The following PCDHA6 variants were observed in gnomAD, a reference collection of about 807,000 sequenced individuals.
PCDHA6 encodes protocadherin alpha 6.
In PCDHA6, 55 loss-of-function variants were observed where a neutral mutation model predicts 60.3. The ratio of observed to expected loss-of-function variants is 0.91; its 90% CI spans 0.73 to 1.14. The LOEUF is 1.14. PCDHA6 is among the 50% of genes most tolerant of loss of function. The probability of loss-of-function intolerance (pLI) is 0.00; values close to 1 mark genes in which losing one functional copy is unlikely to be tolerated. For synonymous variants in PCDHA6, 652 were observed against 557.9 expected, an observed-to-expected ratio of 1.17 and a Z score of -2.38; for missense variants, 1,327 against 1,256.5, an observed-to-expected ratio of 1.06 and a Z score of -0.85.
intron 1 of PCDHA6, chr5:140,857,754 C>T: frequency 6.3e-7 from 1 of 1,597,392 alleles, no homozygotes; most frequent in Non-Finnish European, 8.6e-7. Flanking sequence ...GCGTCTCCCG[C>T]TGGCAGCGCG....
At chr5:140,877,270 G>C in intron 1 of PCDHA6, 2 of 1,613,864 alleles carry the variant, frequency 1.2e-6, no homozygotes, top group Non-Finnish European at 1.7e-6. Context: ...GGTGGACGCT[G>C]ACTCCGGCTA....
intron 1 of PCDHA6, among the ~76,000 whole-genome samples, chr5:140,963,606 G>A (rs79307503): frequency 0.011 from 1,749 of 152,250 alleles, 32 homozygotes; most frequent in African/African-American, 0.039. Context: ...AGACGTAATT[G>A]GGAAAGCTTA....
intron 1 of PCDHA6, among the ~76,000 whole-genome samples, chr5:140,963,002 A>G (rs921334790): frequency 7.2e-5 from 11 of 152,242 alleles, no homozygotes; most frequent in African/African-American, 2.2e-4. Flanking sequence ...TACTAAAAAT[A>G]AGATCTGAAG....
chr5:140,968,095 TGGG>T (rs1554230332), intron 1 of PCDHA6: 1 of 1,613,884 alleles, frequency 6.2e-7, no homozygotes, highest in African/African-American at 1.3e-5. Flanking sequence ...CAGCCACAGA[TGGG>T]GGAATACCGC....
intron 1 of PCDHA6, chr5:140,859,072 G>T (rs1168323371): frequency 6.6e-6 from 1 of 150,540 alleles, no homozygotes; most frequent in African/African-American, 2.4e-5. Flanking sequence ...AGTTGTAGTG[G>T]TACCTGTGTC....
chr5:140,885,465 C>T (rs1363216895), intron 1 of PCDHA6, among the ~76,000 whole-genome samples: 1 of 152,144 alleles, frequency 6.6e-6, no homozygotes, highest in Non-Finnish European at 1.5e-5. Context: ...TAATGATGGG[C>T]AATCACTTTG....
chr5:140,870,132 C>G (rs371110623), intron 1 of PCDHA6: 2 of 1,613,970 alleles, frequency 1.2e-6, no homozygotes, highest in East Asian at 2.2e-5. Flanking sequence ...TGGACACCAA[C>G]GATAACTCTC....
chr5:140,882,555 G>A (rs1554174539), intron 1 of PCDHA6: 1 of 1,614,272 alleles, frequency 6.2e-7, no homozygotes, highest in Admixed American at 1.7e-5. Flanking sequence ...GAGGAGCTGT[G>A]TGGGCGGAGC....
intron 3 of PCDHA6, among the ~76,000 whole-genome samples, chr5:140,996,269 T>C (rs1183604392): frequency 6.6e-6 from 1 of 152,194 alleles, no homozygotes; most frequent in East Asian, 1.9e-4. Context: ...GAGCCTGGGA[T>C]TGCTGCCAAA....
intron 1 of PCDHA6, among the ~76,000 whole-genome samples, chr5:140,893,588 A>G (rs2064072698): frequency 6.6e-6 from 1 of 152,212 alleles, no homozygotes; most frequent in South Asian, 2.1e-4. Flanking sequence ...TTGTTTGGGA[A>G]ATACTTTATT....
chr5:140,936,834 T>TA (rs1554211213), intron 1 of PCDHA6, among the ~76,000 whole-genome samples: 1 of 152,210 alleles, frequency 6.6e-6, no homozygotes, highest in African/African-American at 2.4e-5. Context: ...CATTTCTATA[T>TA]AAATTGTAGA....
rs2150186408 is a variant in PCDHA6, at chr5:140,830,436, T to A, written c.2345T>A (p.Met782Lys). Residue 782 changes from methionine to lysine, a missense_variant, in exon 1 of 4, where the codon ATG becomes AAG. Physicochemically the swap from Met to Lys is moderately conservative, Grantham distance 95 (BLOSUM62 -1). Transcript: ENST00000529310. ...FSPSLSPCPI[M>K]MGKAENQDLN... is the part of the protein sequence containing the mutation. ...CCCAGCCTTTCACCTTGTCCTATTA[T>A]GATGGGTAAGGCGGAGAATCAGGAT... is the stretch of plus-strand genomic sequence containing the variant. The A allele has an allele frequency of 1.5e-5, 24 of 1,612,796 alleles. No homozygotes were observed. The South Asian group carries it at 2.0e-4, about 13-fold the overall frequency.
At chr5:140,971,207 A>C (rs2096463327) in intron 1 of PCDHA6, among the ~76,000 whole-genome samples, 1 of 152,050 alleles carries the variant, frequency 6.6e-6, no homozygotes, top group South Asian at 2.1e-4. Flanking sequence ...AGACACTGTT[A>C]CCCTCCCTCT....
chr5:140,928,452 G>A (rs1284379241), intron 1 of PCDHA6: 1 of 1,614,008 alleles, frequency 6.2e-7, no homozygotes, highest in Non-Finnish European at 8.5e-7. Flanking sequence ...AGCTCAGGGG[G>A]TTTCATTTCC....
intron 1 of PCDHA6, chr5:140,927,135 G>T: frequency 6.2e-7 from 1 of 1,614,062 alleles, no homozygotes; most frequent in Non-Finnish European, 8.5e-7. Flanking sequence ...GAGAGCCGGC[G>T]GACCGCGAAC....
chr5:140,875,982 T>C (rs782696437), intron 1 of PCDHA6: 8 of 1,613,890 alleles, frequency 5.0e-6, no homozygotes, highest in Middle Eastern at 1.6e-4. Context: ...TTTTGACCTA[T>C]GCGTTAAGTC....
At chr5:140,928,932 G>T in intron 1 of PCDHA6, 5 of 1,614,108 alleles carry the variant, frequency 3.1e-6, no homozygotes, top group Non-Finnish European at 2.5e-6. Flanking sequence ...TTTCTGCCCA[G>T]AACTTGTATT....
intron 1 of PCDHA6, among the ~76,000 whole-genome samples, chr5:140,923,894 G>A (rs2081566819): frequency 6.6e-6 from 1 of 152,186 alleles, no homozygotes; most frequent in African/African-American, 2.4e-5. Flanking sequence ...AAGAGGAGGA[G>A]TTTCTGTGAA....
chr5:140,923,665 C>T (rs369836298), intron 1 of PCDHA6, among the ~76,000 whole-genome samples: 77 of 152,288 alleles, frequency 5.1e-4, no homozygotes, highest in African/African-American at 1.6e-3. Flanking sequence ...TTTGGGATAT[C>T]GTTCTCTCTT....
Sources: allele counts gnomAD v4.1 joint callset (sites outside exome capture counted in the v4.1 genomes callset), GRCh38; gene constraint gnomAD v4.1.1; transcripts MANE v1.5; gene names NCBI Gene and HGNC (gene_info 2026-07-23, HGNC 2026-07-21).